The following ACAD11 variants were observed in gnomAD, a reference collection of about 807,000 sequenced individuals.
ACAD11 encodes acyl-CoA dehydrogenase family member 11.
Under a neutral mutation model 102.2 loss-of-function variants are expected in ACAD11, and 83 were observed. The ratio of observed to expected loss-of-function variants is 0.81; its 90% confidence interval spans 0.68 to 0.97. ACAD11 has a LOEUF of 0.97. ACAD11 is among the 50% of genes least tolerant of loss of function. The probability of loss-of-function intolerance (pLI) is 0.00; values close to 1 mark genes in which losing one functional copy is unlikely to be tolerated. For missense variants in ACAD11, 901 were observed against 951.7 expected, an observed-to-expected ratio of 0.95 and a Z score of 0.70; for synonymous variants, 324 against 319.8, an observed-to-expected ratio of 1.01 and a Z score of -0.14.
At chr3:132,641,519 G>A (rs1230882311) in intron 4 of ACAD11, among the ~76,000 whole-genome samples, 1 of 151,276 alleles carries the variant, frequency 6.6e-6, no homozygotes, top group African/African-American at 2.4e-5. Flanking sequence ...ACTCCAGCCT[G>A]GGCAACAGAG....
chr3:132,615,859 A>G (rs1377969319), intron 11 of ACAD11, among the ~76,000 whole-genome samples: 2 of 152,200 alleles, frequency 1.3e-5, no homozygotes, highest in East Asian at 3.9e-4. Flanking sequence ...TAATAGCTTT[A>G]GAATTAAAGT....
chr3:132,659,448 G>A, intron 1 of ACAD11, 155 bp downstream of exon 1: 3 of 1,040,862 alleles, frequency 2.9e-6, no homozygotes, highest in Non-Finnish European at 4.1e-6. Flanking sequence ...GAATTCGGAG[G>A]GCCGGCAATA....
In ACAD11 at chr3:132,561,101, C is replaced by A; in HGVS notation, c.2118G>T (p.Glu706Asp). 1 of 1,611,462 alleles carries A rather than the reference C, an allele frequency of 6.2e-7. No homozygotes were observed. Among genetic ancestry groups the A allele is most frequent in the South Asian group, 1.1e-5 (1 of 91,028 alleles). The change falls in exon 18 of 20, where the codon GAG (glutamate) becomes GAT (aspartate). Residue 706 changes from glutamate to aspartate, a missense_variant and splice_region_variant. Physicochemically the swap from Glu to Asp is conservative, Grantham distance 45 (BLOSUM62 2). Transcript: ENST00000264990. ...GTCTGAGGGGAGAAGGTAGCCTCACCTCTTTCTTAGCGCCAGCACTGCCCA... is the reference window on the plus strand; with the variant it reads ...GTCTGAGGGGAGAAGGTAGCCTCACATCTTTCTTAGCGCCAGCACTGCCCA... ...DTLGSAGAKK[E>D]IAMIKVAAPR...
At chr3:132,593,826 C>T (rs16839387) in intron 13 of ACAD11, among the ~76,000 whole-genome samples, 4,969 of 151,970 alleles carry the variant, frequency 0.033, 92 homozygotes, top group African/African-American at 0.043. Flanking sequence ...GAGTAGGAGC[C>T]AATTTATGGT....
chr3:132,630,800 G>C (rs563848874), intron 6 of ACAD11, among the ~76,000 whole-genome samples: 40 of 152,356 alleles, frequency 2.6e-4, no homozygotes, highest in African/African-American at 8.2e-4. Flanking sequence ...AAATAGGCCA[G>C]TCACGATGGC....
Position 132,559,048 on chromosome 3 carries a change from G to A in ACAD11, c.2266C>T (p.Pro756Ser), listed in dbSNP as rs1936968588. Residue 756 changes from proline (P) to serine (S), a missense_variant, in exon 20 of 20, where the codon CCT becomes TCT. Pro to Ser is a moderately conservative substitution (Grantham distance 74, BLOSUM62 -1). Transcript: ENST00000264990. ...ITRVLRLADG[P>S]DEVHLSAIAT... The stretch of plus-strand genomic sequence containing the variant: ...ATTGCTGAAAGATGAACTTCGTCAG[G>A]TCCATCTGCTAAACGCAAAACTCGG... The A allele has an allele frequency of 1.2e-6, 2 of 1,613,616 alleles. No homozygotes were observed. Among genetic ancestry groups the A allele is most frequent in the African/African-American group, 1.3e-5 (1 of 74,912 alleles).
intron 17 of ACAD11, among the ~76,000 whole-genome samples, chr3:132,564,127 T>C (rs951525932): frequency 5.3e-5 from 8 of 152,214 alleles, no homozygotes; most frequent in Admixed American, 5.2e-4. Context: ...CAGGCTTGCA[T>C]TTGTGGGATA....
At chr3:132,618,491 A>C in intron 11 of ACAD11, 143 bp downstream of exon 11, 1 of 727,398 alleles carries the variant, frequency 1.4e-6, no homozygotes, top group South Asian at 3.4e-5. Flanking sequence ...TCTTATATTT[A>C]AATCAAAGTA....
At chr3:132,603,800 CAACACTTAA>C (rs752793024) in intron 12 of ACAD11, among the ~76,000 whole-genome samples, 5 of 152,242 alleles carry the variant, frequency 3.3e-5, no homozygotes, top group Non-Finnish European at 5.9e-5. Flanking sequence ...AAAGCCTGTT[CAACACTTAA>C]GGTCTTCAGA....
chr3:132,582,950 GA>G (rs1937630151), intron 13 of ACAD11, among the ~76,000 whole-genome samples: 1 of 152,164 alleles, frequency 6.6e-6, no homozygotes, highest in Non-Finnish European at 1.5e-5. Flanking sequence ...AACTGGGACA[GA>G]AAATTTTTTA....
intron 17 of ACAD11, among the ~76,000 whole-genome samples, chr3:132,562,191 A>G (rs1937080535): frequency 1.3e-5 from 2 of 152,126 alleles, no homozygotes; most frequent in South Asian, 4.1e-4. Flanking sequence ...TGCAACCTCC[A>G]CCTTCTGGGT....
intron 17 of ACAD11, among the ~76,000 whole-genome samples, chr3:132,574,008 A>G (rs1175365973): frequency 6.6e-6 from 1 of 152,206 alleles, no homozygotes; most frequent in Non-Finnish European, 1.5e-5. Context: ...TATTTGTGCC[A>G]GATGTGAAAA....
At chr3:132,572,334 C>A (rs1158596505) in intron 17 of ACAD11, among the ~76,000 whole-genome samples, 3 of 150,412 alleles carry the variant, frequency 2.0e-5, no homozygotes, top group Admixed American at 1.3e-4. Context: ...TAGAGCTAAC[C>A]AGGGAGGTAA....
chr3:132,600,893 A>G (rs781109850), intron 13 of ACAD11: 72 of 1,613,264 alleles, frequency 4.5e-5, no homozygotes, highest in Admixed American at 1.2e-4. Flanking sequence ...GATGGCTGCC[A>G]TCTTGCTGAG....
chr3:132,613,730 C>G (rs1393603418), intron 11 of ACAD11, among the ~76,000 whole-genome samples: 3 of 151,980 alleles, frequency 2.0e-5, no homozygotes, highest in African/African-American at 7.3e-5. Flanking sequence ...GAAACCACAT[C>G]TCTACTAAAA....
Position 132,642,660 on chromosome 3 carries a change from A to AT in ACAD11, c.375+16dup. Reference sequence around the variant, plus strand: ...TTAAAAGTAAAAGCAACAAAATAAGATTAAGTGTTAATTTACCTGCACATG... The same window carrying AT: ...TTAAAAGTAAAAGCAACAAAATAAGATTTAAGTGTTAATTTACCTGCACATG... On this transcript the variant is annotated intron_variant, in intron 3 of 19. Coordinates refer to ENST00000264990, the MANE Select transcript of ACAD11 (RefSeq NM_032169.5). The AT allele has an allele frequency of 1.3e-6, 2 of 1,584,394 alleles. No homozygotes were observed. The highest frequency in any genetic ancestry group is 2.4e-5 in the South Asian group (2 of 84,342).
chr3:132,570,870 A>G (rs1228136942), intron 17 of ACAD11, among the ~76,000 whole-genome samples: 3 of 152,194 alleles, frequency 2.0e-5, no homozygotes, highest in Admixed American at 2.0e-4. Context: ...ATAATGTTCC[A>G]TGGTGTTTCT....
chr3:132,613,864 T>C (rs1939281246), intron 11 of ACAD11, among the ~76,000 whole-genome samples: 1 of 151,638 alleles, frequency 6.6e-6, no homozygotes, highest in Non-Finnish European at 1.5e-5. Context: ...GCACCACTGC[T>C]CTCCAGCTTG....
At position 132,642,730 on chromosome 3, in the gene ACAD11, A is replaced by G. The variant is rs377539938; in HGVS notation, c.322T>C (p.Cys108Arg). Residue 108 changes from cysteine to arginine, a missense_variant, in exon 3 of 20, where the codon TGC becomes CGC. By Grantham distance (180) the Cys-to-Arg change is radical. Coordinates refer to ENST00000264990, the MANE Select transcript of ACAD11 (RefSeq NM_032169.5). ...GFPVPKPILY[C>R]SDTSVIGTEF... ...GTTCCAATGACAGAAGTATCACTGC[A>G]GTACAGTATAGGCTTGGGAACGGGG... is the stretch of plus-strand genomic sequence containing the variant. 3 of 1,613,202 alleles carry G rather than the reference A, an allele frequency of 1.9e-6. No individual in the cohort carries two copies. The highest frequency in any genetic ancestry group is 2.2e-5 in the East Asian group (1 of 44,802).
Sources: allele counts gnomAD v4.1 joint callset (sites outside exome capture counted in the v4.1 genomes callset), GRCh38; gene constraint gnomAD v4.1.1; transcripts MANE v1.5; gene names NCBI Gene and HGNC (gene_info 2026-07-23, HGNC 2026-07-21).